Variants in DPYSL2 observed in about 807,000 individuals in gnomAD.
The protein encoded by DPYSL2 is dihydropyrimidinase like 2, also known as dihydropyrimidinase-related protein 2.
In DPYSL2, 13 loss-of-function variants were observed where a neutral mutation model predicts 69.9. The ratio of observed to expected loss-of-function variants is 0.19; its 90% CI spans 0.12 to 0.30. DPYSL2 has a LOEUF of 0.30. Among genes scored for constraint, DPYSL2 ranks in the 10% least tolerant of loss-of-function variants. The probability of loss-of-function intolerance (pLI) is 1.00; values close to 1 mark genes in which losing one functional copy is unlikely to be tolerated. For missense variants in DPYSL2, 587 were observed against 918.9 expected (o/e 0.64, Z 4.67); for synonymous variants, 326 against 359.1 (o/e 0.91, Z 1.04).
rs367629157 is a variant in DPYSL2, at chr8:26,628,759, C to T, written c.1005+819C>T. ...GGCGCCGAGCAGTGGGGGAAGATCA[C>T]CAAGGGCCTGAGTGGAGGCTGACAG... On this transcript the variant is annotated intron_variant, in intron 7 of 13. Transcript: ENST00000521913. Among the ~76,000 whole-genome samples the T allele has an allele frequency of 9.9e-5, 15 of 152,266 alleles. No individual in the cohort carries two copies. In the East Asian group the frequency reaches 2.5e-3, roughly 26 times the overall value.
chr8:26,578,981 T>C (rs1801424045), intron 1 of DPYSL2, among the ~76,000 whole-genome samples: 1 of 151,836 alleles, frequency 6.6e-6, no homozygotes, highest in South Asian at 2.1e-4. Context: ...TCTCGCCCTG[T>C]AGTTCGGGGC....
At chr8:26,603,430 C>T (rs953154023) in intron 3 of DPYSL2, among the ~76,000 whole-genome samples, 4 of 152,234 alleles carry the variant, frequency 2.6e-5, no homozygotes, top group Admixed American at 2.6e-4. Flanking sequence ...CTTGGCCTCC[C>T]AGAGTGCTGG....
chr8:26,613,375 G>A (rs1309203285), intron 3 of DPYSL2, among the ~76,000 whole-genome samples: 3 of 152,232 alleles, frequency 2.0e-5, no homozygotes, highest in African/African-American at 7.2e-5. Context: ...CCAGGGCCCA[G>A]GCCATGAGGA....
At chr8:26,607,319 T>C (rs1406963496) in intron 3 of DPYSL2, among the ~76,000 whole-genome samples, 2 of 150,970 alleles carry the variant, frequency 1.3e-5, no homozygotes, top group African/African-American at 4.9e-5. Flanking sequence ...ACCCCATCTC[T>C]ACTAAAAATA....
intron 3 of DPYSL2, among the ~76,000 whole-genome samples, chr8:26,592,634 C>T (rs1347965361): frequency 6.6e-6 from 1 of 151,770 alleles, no homozygotes; most frequent in Non-Finnish European, 1.5e-5. Flanking sequence ...CACCAACATG[C>T]CCAGCTAATT....
intron 3 of DPYSL2, among the ~76,000 whole-genome samples, chr8:26,595,051 T>TCAAA (rs58133841): frequency 2.0e-5 from 3 of 151,462 alleles, no homozygotes; most frequent in Non-Finnish European, 4.4e-5. Context: ...AATCAATCAA[T>TCAAA]AACTAAAAAT....
In DPYSL2 at chr8:26,582,010, T is replaced by C; in HGVS notation, c.396T>C (p.Asp132=). The stretch of plus-strand genomic sequence containing the variant: ...TCAAAGGAGGTAAAATTGTTAATGA[T>C]GACCAGTCGTTCTATGCAGACATAT... ...LLIKGGKIVN[D]DQSFYADIYM... is the part of the protein sequence containing the mutation. The change falls in exon 2 of 14, where the codon GAT becomes GAC. Residue 132 remains aspartate (D), a synonymous_variant. Transcript: ENST00000521913. The surrounding 1 kb of genome is among the most constrained non-coding windows in gnomAD (Gnocchi z 4.1). 1 of 1,614,080 alleles carries C rather than the reference T, an allele frequency of 6.2e-7. No individual in the cohort carries two copies. The highest frequency in any genetic ancestry group is 8.5e-7 in the Non-Finnish European group (1 of 1,180,032).
At position 26,585,398 on chromosome 8, in the gene DPYSL2, C is replaced by G. The variant is rs17405668; in HGVS notation, c.628+1415C>G. Among the ~76,000 whole-genome samples, 17,166 of 152,170 alleles carry G rather than the reference C, an allele frequency of 0.11. 1,051 individuals carry two copies. The highest frequency in any genetic ancestry group is 0.16 in the Middle Eastern group (48 of 294). On this transcript the variant is annotated intron_variant, in intron 3 of 13. Coordinates refer to ENST00000521913, the MANE Select transcript of DPYSL2 (RefSeq NM_001197293.3). This position sits in a 1 kb window ranked among gnomAD's most constrained non-coding sequence, Gnocchi z 4.0. Reference sequence around the variant, plus strand: ...ATCACAACTCATCCTCTGGCGTTCTCTCTGTCCTGGCCCTCAGGGTCTGAA... The same window carrying G: ...ATCACAACTCATCCTCTGGCGTTCTGTCTGTCCTGGCCCTCAGGGTCTGAA...
At chr8:26,594,923 T>C (rs1411614135) in intron 3 of DPYSL2, among the ~76,000 whole-genome samples, 2 of 152,206 alleles carry the variant, frequency 1.3e-5, no homozygotes. Flanking sequence ...GACTTATGCC[T>C]GTAATCCCAG....
Position 26,556,351 on chromosome 8 carries a change from AGT to A in DPYSL2, c.355-25617_355-25616del, listed in dbSNP as rs1491298805. On this transcript the variant is annotated intron_variant, in intron 1 of 13. Coordinates refer to ENST00000521913, the MANE Select transcript of DPYSL2 (RefSeq NM_001197293.3). ...TAGTATATATATAGTATATATATAT[AGT>A]ATATATATATAGTATATATATATAG... Among the ~76,000 whole-genome samples the A allele has an allele frequency of 1.0e-3, 13 of 12,794 alleles. 2 individuals are homozygous for A. The highest frequency in any genetic ancestry group is 2.0e-3 in the South Asian group (1 of 490). 8.4% of individuals were successfully genotyped at this position (12,794 alleles called of 152,430 possible).
At chr8:26,572,504 T>C (rs1029544294) in intron 1 of DPYSL2, among the ~76,000 whole-genome samples, 7 of 152,112 alleles carry the variant, frequency 4.6e-5, no homozygotes, top group African/African-American at 1.7e-4. Flanking sequence ...AGTAAGACTT[T>C]TTTGTTTGTT....
chr8:26,563,849 GTGAA>G (rs57663458), intron 1 of DPYSL2, among the ~76,000 whole-genome samples: 46 of 151,868 alleles, frequency 3.0e-4, no homozygotes, highest in East Asian at 1.4e-3. Flanking sequence ...TGCTGGATGA[GTGAA>G]TGAATGAATG....
At chr8:26,635,213 A>C (rs1383002994) in intron 8 of DPYSL2, among the ~76,000 whole-genome samples, 1 of 152,200 alleles carries the variant, frequency 6.6e-6, no homozygotes, top group African/African-American at 2.4e-5. Context: ...AGGCACATAC[A>C]CAGATTACGT....
At chr8:26,578,490 G>T in intron 1 of DPYSL2, 1 of 1,443,480 alleles carries the variant, frequency 6.9e-7, no homozygotes, top group East Asian at 2.5e-5. Context: ...CGCATCGTTT[G>T]CAAGGCATTA....
chr8:26,583,509 GA>G (rs1301357797), intron 2 of DPYSL2, among the ~76,000 whole-genome samples: 5 of 152,152 alleles, frequency 3.3e-5, no homozygotes, highest in Non-Finnish European at 4.4e-5. Flanking sequence ...ACAGTTCTTA[GA>G]AATATCTTGG....
At chr8:26,594,322 T>C (rs1801810727) in intron 3 of DPYSL2, among the ~76,000 whole-genome samples, 1 of 152,138 alleles carries the variant, frequency 6.6e-6, no homozygotes, top group Admixed American at 6.6e-5. Flanking sequence ...TCTGTATCCA[T>C]CTTTATCTTT....
intron 1 of DPYSL2, among the ~76,000 whole-genome samples, chr8:26,546,062 A>G (rs560562732): frequency 1.8e-4 from 28 of 152,362 alleles, no homozygotes; most frequent in Non-Finnish European, 3.2e-4. Context: ...ATTGTGTCGA[A>G]TGTATAGATC....
intron 1 of DPYSL2, among the ~76,000 whole-genome samples, chr8:26,535,522 G>C (rs879485882): frequency 6.6e-6 from 1 of 151,798 alleles, no homozygotes; most frequent in Non-Finnish European, 1.5e-5. Flanking sequence ...TTTGAAACTT[G>C]AATTCATTTC....
chr8:26,657,947 G>A lies in DPYSL2; in HGVS notation c.*2241G>A, dbSNP rs566974629. The stretch of plus-strand genomic sequence containing the variant: ...TGCTCTAAAACAGTGTAGGATTTAA[G>A]AATAGATGGTTTTTAATCCTGGAAA... On this transcript the variant is annotated 3_prime_UTR_variant, in exon 14 of 14. Coordinates refer to ENST00000521913, the MANE Select transcript of DPYSL2 (RefSeq NM_001197293.3). 5 of 152,706 alleles carry A rather than the reference G, an allele frequency of 3.3e-5. No homozygotes were observed. In the East Asian group the frequency reaches 9.6e-4, roughly 29 times the overall value. 9.5% of individuals were successfully genotyped at this position (152,706 alleles called of 1,614,324 possible). A position where few individuals can be genotyped will look rare whatever the true frequency, so the allele number is the denominator to read the frequency against.
Sources: gnomAD v4.1 joint callset for allele counts (sites outside exome capture counted in the v4.1 genomes callset) on GRCh38, gnomAD v4.1.1 for gene constraint, Gnocchi (gnomAD v3.1) non-coding constraint, MANE v1.5 for transcripts, NCBI Gene and HGNC (gene_info 2026-07-23, HGNC 2026-07-21) for gene names.